The following KCTD19 variants were observed in gnomAD, a reference collection of about 807,000 sequenced individuals.
The protein encoded by KCTD19 is potassium channel tetramerization domain containing 19.
In KCTD19, 67 loss-of-function variants were observed where a neutral mutation model predicts 103.5. That is an observed-to-expected ratio of 0.65 (90% CI 0.53 to 0.79). The LOEUF is 0.79. KCTD19 is among the 30% of genes least tolerant of loss of function. The pLI, the probability that KCTD19 is intolerant of heterozygous loss-of-function variation, is 0.00. For synonymous variants in KCTD19, 439 were observed against 452.2 expected (o/e 0.97, Z 0.37); for missense variants, 980 against 1,136.1 (o/e 0.86, Z 1.98).
intron 2 of KCTD19, chr16:67,305,701 TA>T (rs1223878444): frequency 2.4e-6 from 1 of 418,334 alleles, no homozygotes; most frequent in Non-Finnish European, 4.9e-6. Context: ...ATTTTCCCAA[TA>T]AATTTCCGGA....
chr16:67,293,804 T>A lies in KCTD19; in HGVS notation c.1958A>T (p.Gln653Leu), dbSNP rs1364371791. 5.6e-6 allele frequency: 9 copies of A among 1,613,790 alleles called. No individual in the cohort carries two copies. Among genetic ancestry groups the A allele is most frequent in the Non-Finnish European group, 5.9e-6 (7 of 1,180,020 alleles). The change falls in exon 12 of 16, where the codon CAG (glutamine) becomes CTG (leucine). Residue 653 changes from glutamine (Q) to leucine (L), a missense_variant. Physicochemically the swap from Gln to Leu is moderately radical, Grantham distance 113 (BLOSUM62 -2). Transcript: ENST00000304372. The surrounding 1 kb of genome is among the most constrained non-coding windows in gnomAD (Gnocchi z 4.0). ...DMVNCKQWEFQPLTATRSSPL... is the reference protein window; with the variant it reads ...DMVNCKQWEFLPLTATRSSPL... ...GCTGCTCCGTGTGGCTGTCAGTGGC[T>A]GGAATTCCCACTGTTTGCAATTGAC...
chr16:67,291,872 TA>T (rs755827805), intron 12 of KCTD19, 35 bp from the exon 13 acceptor site: 464 of 1,470,142 alleles, frequency 3.2e-4, no homozygotes, highest in Non-Finnish European at 3.6e-4. Flanking sequence ...GCTCTCCTTT[TA>T]AAAAAAAATT....
rs777348066 is a variant in KCTD19, at chr16:67,289,577, C to T, written c.2773G>A (p.Glu925Lys). 1.9e-6 allele frequency: 3 copies of T among 1,610,488 alleles called. No homozygotes were observed. The highest frequency in any genetic ancestry group is 2.5e-6 in the Non-Finnish European group (3 of 1,176,846). ...CTGCATCTCTGGGCACCCTAGTCCT[C>T]TTGTAGGTACTTTCCCAGGATGGAG... is the stretch of plus-strand genomic sequence containing the variant. ...SYSILGKYLQ[E>K]D The change falls in exon 16 of 16, where the codon GAG becomes AAG. Residue 925 changes from glutamate to lysine, a missense_variant. Physicochemically the swap from Glu to Lys is moderately conservative, Grantham distance 56. Coordinates refer to ENST00000304372, the MANE Select transcript of KCTD19 (RefSeq NM_001100915.3).
intron 1 of KCTD19, among the ~76,000 whole-genome samples, chr16:67,326,421 C>T (rs1215176109): frequency 4.6e-5 from 7 of 152,138 alleles, no homozygotes; most frequent in Admixed American, 2.6e-4. Context: ...GTCAGCATCC[C>T]CCAGCGCTGA....
At chr16:67,317,110 A>ACAGTTTAGAG (rs1388384106) in intron 2 of KCTD19, among the ~76,000 whole-genome samples, 2 of 152,192 alleles carry the variant, frequency 1.3e-5, no homozygotes, top group Non-Finnish European at 2.9e-5. Context: ...AGGAGTACTA[A>ACAGTTTAGAG]CAGTTTAGAG....
At position 67,290,941 on chromosome 16, in the gene KCTD19, T is replaced by C; in HGVS notation, c.2611A>G (p.Ile871Val). Reference sequence around the variant, plus strand: ...TGCCGGTCATCCTTGAAGCCGGTGATGGCCAGCAAATCTACCACAAACTGC... The same window carrying C: ...TGCCGGTCATCCTTGAAGCCGGTGACGGCCAGCAAATCTACCACAAACTGC... ...PKQFVVDLLAITGFKDDRHTQ... is the reference protein window; with the variant it reads ...PKQFVVDLLAVTGFKDDRHTQ... The change falls in exon 15 of 16, where the codon ATC becomes GTC. Residue 871 changes from isoleucine (I) to valine (V), a missense_variant. Ile to Val is a conservative substitution (Grantham distance 29). Coordinates refer to ENST00000304372, the MANE Select transcript of KCTD19 (RefSeq NM_001100915.3). The C allele has an allele frequency of 1.2e-6, 2 of 1,614,130 alleles. No homozygotes were observed. The highest frequency in any genetic ancestry group is 1.7e-6 in the Non-Finnish European group (2 of 1,180,002).
chr16:67,306,187 C>T lies in KCTD19; in HGVS notation c.301-1616G>A, dbSNP rs530326821. On this transcript the variant is annotated intron_variant, in intron 2 of 15. Transcript: ENST00000304372. ...TGGGAGAGAAGAAAGATATGAAAGACCACAATTTACGTATACTGAGATTAG... is the reference window on the plus strand; with the variant it reads ...TGGGAGAGAAGAAAGATATGAAAGATCACAATTTACGTATACTGAGATTAG... 1.4e-3 allele frequency among the ~76,000 whole-genome samples: 212 copies of T among 152,284 alleles called. 1 individual carries two copies. Among genetic ancestry groups the T allele is most frequent in the African/African-American group, 4.6e-3 (191 of 41,560 alleles).
rs190630504 is a variant in KCTD19, at chr16:67,301,724, T to C, written c.775+67A>G. On this transcript the variant is annotated intron_variant, in intron 5 of 15. Coordinates refer to ENST00000304372, the MANE Select transcript of KCTD19 (RefSeq NM_001100915.3). ...CCCGAAGTGATTGTGGGAGGGAAGA[T>C]TGTTCTTGGCTTTTCCAGGTCAAGC... 745 of 1,491,364 alleles carry C rather than the reference T, an allele frequency of 5.0e-4. 8 individuals carry two copies. In the East Asian group the frequency reaches 0.012, roughly 24 times the overall value. The allele number at this position is 1,491,364 out of a possible 1,614,324, so 92.4% of individuals were successfully genotyped here.
chr16:67,325,207 C>CTTTTTTTTTTT (rs10695930), intron 1 of KCTD19, among the ~76,000 whole-genome samples: 4 of 113,174 alleles, frequency 3.5e-5, no homozygotes, highest in African/African-American at 1.2e-4. Context: ...TTCTTTTTTT[C>CTTTTTTTTTTT]TTTTTTTTTT....
intron 15 of KCTD19, 134 bp downstream of exon 15, chr16:67,290,751 C>T (rs1051514127): frequency 3.9e-5 from 28 of 719,036 alleles, no homozygotes; most frequent in African/African-American, 7.2e-5. Flanking sequence ...TTTCTCCCTC[C>T]CTGGGAGCAG....
At chr16:67,314,090 C>T (rs1482234076) in intron 2 of KCTD19, among the ~76,000 whole-genome samples, 1 of 151,988 alleles carries the variant, frequency 6.6e-6, no homozygotes, top group Non-Finnish European at 1.5e-5. Flanking sequence ...CTCCTGGCCT[C>T]AGGTGATCTT....
chr16:67,326,715 G>A lies in KCTD19; in HGVS notation c.-8C>T, dbSNP rs1367819699. 1.9e-6 allele frequency: 3 copies of A among 1,574,902 alleles called. No homozygotes were observed. Among genetic ancestry groups the A allele is most frequent in the Non-Finnish European group, 2.6e-6 (3 of 1,165,740 alleles). The stretch of plus-strand genomic sequence containing the variant: ...GAGCGGGCTCCGTACCATGGTCGCG[G>A]CTCCAGCAGCGGGCGGGCGGGCTTG... On this transcript the variant is annotated 5_prime_UTR_variant, in exon 1 of 16. Coordinates refer to ENST00000304372, the MANE Select transcript of KCTD19 (RefSeq NM_001100915.3).
chr16:67,294,048 G>C lies in KCTD19; in HGVS notation c.1714C>G (p.Gln572Glu). ...TTGGCATTTCGGCATAGGGACACCT[G>C]GATGGGCCGAGTGTACTGCTCAGCC... ...DEAEQYTRPI[Q>E]VSLCRNAKRA... The change falls in exon 12 of 16, where the codon CAG (glutamine) becomes GAG (glutamate). Residue 572 changes from glutamine to glutamate, a missense_variant. Physicochemically the swap from Gln to Glu is conservative, Grantham distance 29. Coordinates refer to ENST00000304372, the MANE Select transcript of KCTD19 (RefSeq NM_001100915.3). 1.2e-6 allele frequency: 2 copies of C among 1,614,196 alleles called. No homozygotes were observed. The highest frequency in any genetic ancestry group is 8.5e-7 in the Non-Finnish European group (1 of 1,180,036).
chr16:67,303,107 T>TCAGGGGGGGGGCCCCGTGG lies in KCTD19; in HGVS notation c.643+38_643+39insCCACGGGGCCCCCCCCCTG. The TCAGGGGGGGGGCCCCGTGG allele has an allele frequency of 1.1e-6, 1 of 897,596 alleles. No individual in the cohort carries two copies. The highest frequency in any genetic ancestry group is 1.8e-6 in the Non-Finnish European group (1 of 562,966). The allele number at this position is 897,596 out of a possible 1,614,324, so 55.6% of individuals were successfully genotyped here. On this transcript the variant is annotated intron_variant, in intron 4 of 15. Transcript: ENST00000304372. The surrounding 1 kb of genome is among the most constrained non-coding windows in gnomAD (Gnocchi z 4.3). The stretch of plus-strand genomic sequence containing the variant: ...GATGGGGAGGGGTGAATGGGCCCTA[T>TCAGGGGGGGGGCCCCGTGG]CAGCCCGCCCCCCACCCCACCCCGG...
At chr16:67,299,227 G>C (rs962107976) in intron 6 of KCTD19, 136 bp downstream of exon 6, 1 of 777,338 alleles carries the variant, frequency 1.3e-6, no homozygotes, top group Non-Finnish European at 2.1e-6. Flanking sequence ...TGCTGGTGAT[G>C]GTAATGGCTA....
Position 67,291,713 on chromosome 16 carries a change from G to C in KCTD19, c.2343C>G (p.Ser781Arg). The part of the protein sequence containing the change: ...SDGFCMFFED[S>R]IIYTTEMDNL... ...TGTCCATCTCCGTGGTATAGATGAT[G>C]CTGTCCTCAAAGAACATGCAGAAGC... The change falls in exon 13 of 16, where the codon AGC (serine) becomes AGG (arginine). Residue 781 changes from serine to arginine, a missense_variant. Coordinates refer to ENST00000304372, the MANE Select transcript of KCTD19 (RefSeq NM_001100915.3). 1 of 1,614,132 alleles carries C rather than the reference G, an allele frequency of 6.2e-7. No homozygotes were observed. Among genetic ancestry groups the C allele is most frequent in the Admixed American group, 1.7e-5 (1 of 60,022 alleles).
intron 2 of KCTD19, among the ~76,000 whole-genome samples, chr16:67,314,820 TATATATATATAGAGAGAGAGAGAGAG>T (rs1371127987): frequency 2.4e-5 from 2 of 84,936 alleles, no homozygotes; most frequent in African/African-American, 5.4e-5. Flanking sequence ...TATATATATA[TATATATATATAGAGAGAGAGAGAGAG>T]AGAGAGAGAG....
rs768022868 is a variant in KCTD19 at position 67,293,824 on chromosome 16, A to G, written c.1938T>C (p.Asn646=). The G allele has an allele frequency of 1.2e-6, 2 of 1,613,838 alleles. No individual in the cohort carries two copies. Among genetic ancestry groups the G allele is most frequent in the South Asian group, 1.1e-5 (1 of 91,078 alleles). The change falls in exon 12 of 16, where the codon AAT becomes AAC. Residue 646 remains asparagine (N), a synonymous_variant. Coordinates refer to ENST00000304372, the MANE Select transcript of KCTD19 (RefSeq NM_001100915.3). The surrounding 1 kb of genome is among the most constrained non-coding windows in gnomAD (Gnocchi z 4.0). ...ISLVREWDMV[N]CKQWEFQPLT... Reference sequence around the variant, plus strand: ...GTGGCTGGAATTCCCACTGTTTGCAATTGACCATGTCCCATTCTCTCACCA... The same window carrying G: ...GTGGCTGGAATTCCCACTGTTTGCAGTTGACCATGTCCCATTCTCTCACCA...
chr16:67,314,757 T>C (rs1330901844), intron 2 of KCTD19, among the ~76,000 whole-genome samples: 1 of 147,608 alleles, frequency 6.8e-6, no homozygotes, highest in Non-Finnish European at 1.5e-5. Flanking sequence ...AATAAGACTG[T>C]TTCTTTCACT....
Sources: gnomAD v4.1 joint callset for allele counts (sites outside exome capture counted in the v4.1 genomes callset) on GRCh38, gnomAD v4.1.1 for gene constraint, Gnocchi (gnomAD v3.1) non-coding constraint, MANE v1.5 for transcripts, NCBI Gene and HGNC (gene_info 2026-07-23, HGNC 2026-07-21) for gene names.